GK5: variants seen among roughly 807,000 people sequenced by gnomAD.
The protein encoded by GK5 is glycerol kinase 5.
In GK5, 39 loss-of-function variants were observed where a neutral mutation model predicts 77.3. That is an observed-to-expected ratio of 0.50 (90% CI 0.39 to 0.66). GK5 has a LOEUF of 0.66. Among genes scored for constraint, GK5 ranks in the 30% least tolerant of loss-of-function variants. The pLI, the probability that GK5 is intolerant of heterozygous loss-of-function variation, is 0.00. For missense variants in GK5, 487 were observed against 633.8 expected (o/e 0.77, Z 2.49); for synonymous variants, 211 against 208.0 (o/e 1.01, Z -0.13).
intron 3 of GK5, among the ~76,000 whole-genome samples, chr3:142,211,815 A>G (rs1006729496): frequency 2.6e-5 from 4 of 152,140 alleles, no homozygotes; most frequent in Admixed American, 1.3e-4. Context: ...AAATAAAAAG[A>G]TCCTATCTGA....
chr3:142,218,227 T>C (rs1292895536), intron 1 of GK5, among the ~76,000 whole-genome samples: 9 of 135,698 alleles, frequency 6.6e-5, no homozygotes, highest in South Asian at 2.3e-4. Context: ...GACATCCATA[T>C]GCAAAAAAAA....
intron 5 of GK5, among the ~76,000 whole-genome samples, chr3:142,190,797 G>A (rs773521234): frequency 2.6e-4 from 40 of 152,156 alleles, no homozygotes; most frequent in Middle Eastern, 3.4e-3. Flanking sequence ...AAGAATTAAT[G>A]ATCCCTCCTT....
At chr3:142,223,613 C>T (rs1033946864) in intron 1 of GK5, among the ~76,000 whole-genome samples, 12 of 152,174 alleles carry the variant, frequency 7.9e-5, no homozygotes, top group Admixed American at 6.5e-4. Flanking sequence ...CTGAGGCAGG[C>T]GGTTCACCTG....
intron 5 of GK5, among the ~76,000 whole-genome samples, chr3:142,189,647 G>A (rs2063821344): frequency 6.6e-6 from 1 of 152,170 alleles, no homozygotes; most frequent in Non-Finnish European, 1.5e-5. Flanking sequence ...ACACAGAGTA[G>A]ACATCAGGGC....
At chr3:142,218,698 C>T (rs369744751) in intron 1 of GK5, among the ~76,000 whole-genome samples, 5 of 152,126 alleles carry the variant, frequency 3.3e-5, no homozygotes, top group South Asian at 4.2e-4. Context: ...GGCAAAGAGT[C>T]CTTAGAACAC....
intron 1 of GK5, among the ~76,000 whole-genome samples, chr3:142,220,816 G>A (rs1031664972): frequency 1.8e-4 from 27 of 152,168 alleles, no homozygotes; most frequent in Non-Finnish European, 3.4e-4. Context: ...GTGGAACTCT[G>A]GAAATTAGAG....
rs1344049313 is a variant in GK5 at position 142,164,769 on chromosome 3, C to A, written c.*853G>T. On this transcript the variant is annotated 3_prime_UTR_variant, in exon 16 of 16. Coordinates refer to ENST00000392993, the MANE Select transcript of GK5 (RefSeq NM_001039547.3). ...TTAATAAAAACAAAAGACATTTATACAAGCATCTAAATAACAAAGAAAGAT... is the reference window on the plus strand; with the variant it reads ...TTAATAAAAACAAAAGACATTTATAAAAGCATCTAAATAACAAAGAAAGAT... The A allele has an allele frequency of 1.3e-5, 2 of 152,120 alleles. No individual in the cohort carries two copies. The highest frequency in any genetic ancestry group is 2.9e-5 in the Non-Finnish European group (2 of 68,000). The allele number at this position is 152,120 out of a possible 1,614,324, so 9.4% of individuals were successfully genotyped here. A position where few individuals can be genotyped will look rare whatever the true frequency, so the allele number is the denominator to read the frequency against.
intron 5 of GK5, among the ~76,000 whole-genome samples, chr3:142,189,676 C>T (rs1483300025): frequency 6.6e-6 from 1 of 152,114 alleles, no homozygotes; most frequent in Admixed American, 6.6e-5. Flanking sequence ...GTAGGAGGAC[C>T]TAGGTCAACC....
chr3:142,203,500 C>T (rs912818291), intron 4 of GK5, among the ~76,000 whole-genome samples: 9 of 152,302 alleles, frequency 5.9e-5, no homozygotes, highest in Admixed American at 1.3e-4. Context: ...ATGGGCCAGG[C>T]GCGATGACTG....
intron 11 of GK5, 179 bp from the exon 12 acceptor site, chr3:142,177,755 G>T: frequency 1.9e-6 from 1 of 533,882 alleles, no homozygotes; most frequent in South Asian, 2.9e-5. Flanking sequence ...GGTACTATCT[G>T]AATTCTCACA....
intron 3 of GK5, 28 bp from the exon 4 acceptor site, chr3:142,204,816 AC>A: frequency 8.0e-7 from 1 of 1,246,512 alleles, no homozygotes; most frequent in Non-Finnish European, 1.2e-6. Context: ...GTATTTTGAG[AC>A]CCAGCATAAA....
At chr3:142,170,089 T>C (rs1233084635) in intron 15 of GK5, 2 of 576,964 alleles carry the variant, frequency 3.5e-6, no homozygotes, top group Non-Finnish European at 6.2e-6. Context: ...GAGAATTAAC[T>C]GTTCTTGTCT....
chr3:142,204,232 G>T, intron 4 of GK5: 1 of 229,026 alleles, frequency 4.4e-6, no homozygotes, highest in South Asian at 6.1e-5. Context: ...TGCCCAAGCT[G>T]GTCTTGAACT....
intron 15 of GK5, among the ~76,000 whole-genome samples, chr3:142,167,363 G>C (rs968804883): frequency 6.6e-6 from 1 of 150,642 alleles, no homozygotes; most frequent in Non-Finnish European, 1.5e-5. Context: ...TACAGAGTGA[G>C]ACTCCATCTC....
At chr3:142,183,145 ATCT>A in intron 9 of GK5, 96 bp from the exon 10 acceptor site, 1 of 1,098,104 alleles carries the variant, frequency 9.1e-7, no homozygotes, top group South Asian at 1.7e-5. Context: ...ATGATTAAAC[ATCT>A]TCGTTTCTTT....
chr3:142,221,312 T>C (rs1453134551), intron 1 of GK5, among the ~76,000 whole-genome samples: 1 of 152,208 alleles, frequency 6.6e-6, no homozygotes, highest in African/African-American at 2.4e-5. Flanking sequence ...CTGTAATAGT[T>C]TAACTACAAG....
chr3:142,170,222 A>G (rs770916685), intron 15 of GK5, 103 bp downstream of exon 15: 4 of 1,219,920 alleles, frequency 3.3e-6, no homozygotes, highest in Middle Eastern at 3.8e-4. Context: ...ATGGACGCCA[A>G]GGCTTTCCAG....
rs772185608 is a variant in GK5, at chr3:142,225,264, G to A, written c.147+45C>T. On this transcript the variant is annotated intron_variant, in intron 1 of 15. Coordinates refer to ENST00000392993, the MANE Select transcript of GK5 (RefSeq NM_001039547.3). ...TCCCGAGGCCGGACCCCGGGACTCA[G>A]CGAAACCCAGTCAGACCCGCGCCCC... is the stretch of plus-strand genomic sequence containing the variant. The A allele has an allele frequency of 5.4e-6, 8 of 1,491,622 alleles. No individual in the cohort carries two copies. In the African/African-American group the frequency reaches 1.2e-4, roughly 22 times the overall value. 92.4% of individuals were successfully genotyped at this position (1,491,622 alleles called of 1,614,324 possible).
In GK5 at chr3:142,182,953, T is replaced by C; in HGVS notation, c.913A>G (p.Thr305Ala). ...GTAGTCTGTTGAAGGCTATTTCCAG[T>C]GTTAATATCCAAAAATGTCCCAGTT... ...MGTGTFLDINTGNSLQQTTGG... is the reference protein window; with the variant it reads ...MGTGTFLDINAGNSLQQTTGG... The change falls in exon 10 of 16, where the codon ACT (threonine) becomes GCT (alanine). Residue 305 changes from threonine (T) to alanine (A), a missense_variant. Thr to Ala is a moderately conservative substitution (Grantham distance 58, BLOSUM62 0). Coordinates refer to ENST00000392993, the MANE Select transcript of GK5 (RefSeq NM_001039547.3). 1 of 1,611,800 alleles carries C rather than the reference T, an allele frequency of 6.2e-7. No homozygotes were observed. The highest frequency in any genetic ancestry group is 8.5e-7 in the Non-Finnish European group (1 of 1,177,936).
Sources: allele counts gnomAD v4.1 joint callset (sites outside exome capture counted in the v4.1 genomes callset), GRCh38; gene constraint gnomAD v4.1.1; transcripts MANE v1.5; gene names NCBI Gene and HGNC (gene_info 2026-07-23, HGNC 2026-07-21).